Variants in VPS13A observed in about 807,000 individuals in gnomAD.
VPS13A encodes vacuolar protein sorting 13 homolog A, also known as intermembrane lipid transfer protein VPS13A.
In VPS13A, 264 loss-of-function variants were observed where a neutral mutation model predicts 390.9. That is an observed-to-expected ratio of 0.68 (90% CI 0.61 to 0.75). VPS13A has a LOEUF of 0.75. Ranked by LOEUF, VPS13A falls within the 30% of genes least tolerant of loss-of-function variation. The probability of loss-of-function intolerance (pLI) is 0.00; values close to 1 mark genes in which losing one functional copy is unlikely to be tolerated. For missense variants in VPS13A, 3,409 were observed against 3,733.9 expected, an observed-to-expected ratio of 0.91 and a Z score of 2.27; for synonymous variants, 1,231 against 1,227.1, an observed-to-expected ratio of 1.00 and a Z score of -0.07.
At chr9:77,344,062 T>G in intron 50 of VPS13A, 91 bp from the exon 51 acceptor site, 2 of 1,237,598 alleles carry the variant, frequency 1.6e-6, no homozygotes, top group South Asian at 1.4e-5. Context: ...TTTTTATAGT[T>G]TAAGTCTATT....
intron 67 of VPS13A, among the ~76,000 whole-genome samples, chr9:77,379,326 C>T (rs1331801216): frequency 1.5e-4 from 23 of 151,560 alleles, no homozygotes; most frequent in East Asian, 1.9e-4. Flanking sequence ...CCGCAACCTC[C>T]GCCTCCCAAG....
At chr9:77,216,029 G>A (rs956752414) in intron 10 of VPS13A, among the ~76,000 whole-genome samples, 2 of 152,178 alleles carry the variant, frequency 1.3e-5, no homozygotes, top group Non-Finnish European at 2.9e-5. Flanking sequence ...GGTTCTGTAG[G>A]AGCTGGGTGT....
intron 68 of VPS13A, chr9:77,390,218 A>T: frequency 1.2e-5 from 8 of 662,334 alleles, no homozygotes; most frequent in Non-Finnish European, 1.5e-5. Context: ...CTCCAGAAGG[A>T]TACTTCTGAA....
intron 41 of VPS13A, 118 bp from the exon 42 acceptor site, chr9:77,319,454 T>C (rs1829609005): frequency 7.1e-6 from 5 of 703,866 alleles, no homozygotes; most frequent in Non-Finnish European, 1.3e-5. Flanking sequence ...GGAGTGCTTA[T>C]AGGAAGCTAC....
At chr9:77,206,718 T>C (rs1187641201) in intron 5 of VPS13A, among the ~76,000 whole-genome samples, 2 of 152,188 alleles carry the variant, frequency 1.3e-5, no homozygotes, top group Non-Finnish European at 2.9e-5. Flanking sequence ...TACGCTGTTC[T>C]TTATCTTGAA....
chr9:77,275,503 G>C lies in VPS13A; in HGVS notation c.2518G>C (p.Glu840Gln). The C allele has an allele frequency of 6.2e-7, 1 of 1,613,560 alleles. No individual in the cohort carries two copies. Among genetic ancestry groups the C allele is most frequent in the East Asian group, 2.2e-5 (1 of 44,788 alleles). ...ELPSVSEDDS[E>Q]EEFFDAPCSP... ...TAATGTTCTGTGAAATGTAGATTCA[G>C]AGGAGGAATTTTTTGATGCACCATG... is the stretch of plus-strand genomic sequence containing the variant. The change falls in exon 25 of 72, where the codon GAG becomes CAG. Residue 840 changes from glutamate (E) to glutamine (Q), a missense_variant. Transcript: ENST00000360280.
At position 77,225,958 on chromosome 9, in the gene VPS13A, A is replaced by T. The variant is rs1405485475; in HGVS notation, c.1194A>T (p.Ile398=). ...ELEKTLDVFN[I]TIARQTAEVE... is the part of the protein sequence containing the mutation. The stretch of plus-strand genomic sequence containing the variant: ...AAAAAACCTTGGATGTCTTTAATAT[A>T]ACTATAGCTAGACAGACGGCAGAAG... Residue 398 remains isoleucine, a synonymous_variant, in exon 14 of 72, where the codon ATA becomes ATT. Transcript: ENST00000360280. 1.2e-6 allele frequency: 2 copies of T among 1,612,200 alleles called. No homozygotes were observed. Among genetic ancestry groups the T allele is most frequent in the East Asian group, 2.2e-5 (1 of 44,694 alleles).
chr9:77,262,439 T>C (rs1306829326), intron 23 of VPS13A, among the ~76,000 whole-genome samples: 1 of 152,174 alleles, frequency 6.6e-6, no homozygotes, highest in Non-Finnish European at 1.5e-5. Flanking sequence ...AGAAGGTTTT[T>C]TTTTATTATT....
intron 22 of VPS13A, among the ~76,000 whole-genome samples, chr9:77,253,398 T>C (rs1162716504): frequency 6.6e-6 from 1 of 152,024 alleles, no homozygotes; most frequent in East Asian, 1.9e-4. Context: ...CTCCACCTCC[T>C]GGGTTCAAGT....
intron 67 of VPS13A, 40 bp from the exon 68 acceptor site, chr9:77,381,936 G>A (rs775446798): frequency 8.1e-6 from 11 of 1,355,498 alleles, no homozygotes; most frequent in Non-Finnish European, 1.1e-5. Flanking sequence ...ACAAGTTTTT[G>A]AATAATTTTT....
chr9:77,217,164 G>C (rs1396397893), intron 10 of VPS13A, among the ~76,000 whole-genome samples: 1 of 152,162 alleles, frequency 6.6e-6, no homozygotes, highest in African/African-American at 2.4e-5. Context: ...AGGAATGCTA[G>C]GGGAGTGAGA....
intron 71 of VPS13A, among the ~76,000 whole-genome samples, chr9:77,414,145 T>C (rs1835065453): frequency 6.6e-6 from 1 of 152,142 alleles, no homozygotes; most frequent in Non-Finnish European, 1.5e-5. Context: ...TTGGTGGGAG[T>C]GTAAACTAGT....
Position 77,344,203 on chromosome 9 carries a change from C to T in VPS13A, c.7077C>T (p.Val2359=), listed in dbSNP as rs749174453. 9.3e-6 allele frequency: 15 copies of T among 1,611,992 alleles called. No homozygotes were observed. The highest frequency in any genetic ancestry group is 1.7e-5 in the Admixed American group (1 of 59,956). ...CTTCTAGTAAACTTCTTATTCAAGTCGAAAGGAGTGAAGATCCTCCCAAAA... is the reference window on the plus strand; with the variant it reads ...CTTCTAGTAAACTTCTTATTCAAGTTGAAAGGAGTGAAGATCCTCCCAAAA... ...EYASSKLLIQ[V]ERSEDPPKRI... is the part of the protein sequence containing the mutation. Residue 2359 remains valine, a synonymous_variant, in exon 51 of 72, where the codon GTC becomes GTT. Transcript: ENST00000360280.
intron 58 of VPS13A, among the ~76,000 whole-genome samples, chr9:77,360,217 T>A (rs1832065458): frequency 6.6e-6 from 1 of 152,162 alleles, no homozygotes; most frequent in South Asian, 2.1e-4. Flanking sequence ...GACTTGCTTT[T>A]GTTCATTCAA....
At chr9:77,387,609 A>G (rs1294325619) in intron 68 of VPS13A, among the ~76,000 whole-genome samples, 1 of 152,200 alleles carries the variant, frequency 6.6e-6, no homozygotes, top group Non-Finnish European at 1.5e-5. Context: ...TAAATAATCT[A>G]AGCCTGTAAA....
chr9:77,217,937 T>A (rs950289584), intron 10 of VPS13A, among the ~76,000 whole-genome samples: 2 of 152,186 alleles, frequency 1.3e-5, no homozygotes, highest in Non-Finnish European at 2.9e-5. Flanking sequence ...CCACCAACAG[T>A]AATCCCTTTT....
intron 52 of VPS13A, among the ~76,000 whole-genome samples, chr9:77,349,260 A>G (rs1027862859): frequency 2.0e-5 from 3 of 151,720 alleles, no homozygotes; most frequent in African/African-American, 7.3e-5. Context: ...TTTGACAGCT[A>G]TTGTGAGCAT....
At chr9:77,382,284 A>G (rs971369973) in intron 68 of VPS13A, 197 bp downstream of exon 68, 1 of 1,525,468 alleles carries the variant, frequency 6.6e-7, no homozygotes. Flanking sequence ...TACAGGCATC[A>G]AAAAGTTTGA....
chr9:77,258,585 G>A (rs1266637443), intron 22 of VPS13A, among the ~76,000 whole-genome samples: 2 of 152,080 alleles, frequency 1.3e-5, no homozygotes, highest in East Asian at 3.9e-4. Flanking sequence ...TTTGGTTTAA[G>A]AGACAGAAGG....
Sources: gnomAD v4.1 joint callset for allele counts (sites outside exome capture counted in the v4.1 genomes callset) on GRCh38, gnomAD v4.1.1 for gene constraint, MANE v1.5 for transcripts, NCBI Gene and HGNC (gene_info 2026-07-23, HGNC 2026-07-21) for gene names.